HNRNPH3: variants seen among roughly 807,000 people sequenced by gnomAD.
HNRNPH3 encodes heterogeneous nuclear ribonucleoprotein 2H9.
Under a neutral mutation model 47.0 loss-of-function variants are expected in HNRNPH3, and 7 were observed. The ratio of observed to expected loss-of-function variants is 0.15; its 90% CI spans 0.08 to 0.28. HNRNPH3 has a LOEUF of 0.28. Ranked by LOEUF, HNRNPH3 falls within the 10% of genes least tolerant of loss-of-function variation. The pLI is 1.00. For missense variants in HNRNPH3, 279 were observed against 449.6 expected (o/e 0.62, Z 3.43); for synonymous variants, 120 against 143.2 (o/e 0.84, Z 1.16).
Position 68,342,001 on chromosome 10 carries a change from G to A in HNRNPH3, c.988G>A (p.Gly330Ser), listed in dbSNP as rs755404942. ...GYGRGGGGSG[G>S]YYGQGGMSGG... is the part of the protein sequence containing the mutation. ...AGGCCGTGGTGGTGGAGGCAGTGGA[G>A]GTTACTATGGGCAAGGCGGCATGAG... The change falls in exon 10 of 10, where the codon GGT (glycine) becomes AGT (serine). Residue 330 changes from glycine (G) to serine (S), a missense_variant. Coordinates refer to ENST00000265866, the MANE Select transcript of HNRNPH3 (RefSeq NM_012207.3). 1.9e-6 allele frequency: 3 copies of A among 1,614,088 alleles called. 1 individual carries two copies. The South Asian group carries it at 3.3e-5, about 18-fold the overall frequency.
Position 68,339,219 on chromosome 10 carries a change from T to C in HNRNPH3, c.516T>C (p.Asp172=), listed in dbSNP as rs748892373. 2.5e-6 allele frequency: 4 copies of C among 1,590,602 alleles called. No homozygotes were observed. The highest frequency in any genetic ancestry group is 1.3e-5 in the African/African-American group (1 of 74,390). The change falls in exon 5 of 10, where the codon GAT becomes GAC. Residue 172 remains aspartate (D), a synonymous_variant. Coordinates refer to ENST00000265866, the MANE Select transcript of HNRNPH3 (RefSeq NM_012207.3). ...GNDGFDDRMR[D]GRGMGGHGYG... is the part of the protein sequence containing the mutation. ...ATGGCTTTGATGACAGAATGAGAGA[T>C]GGAAGAGGTAAAATAAATATTAAAG...
chr10:68,337,753 T>G lies in HNRNPH3; in HGVS notation c.113-105T>G. On this transcript the variant is annotated intron_variant, in intron 2 of 9. Transcript: ENST00000265866. This position sits in a 1 kb window ranked among gnomAD's most constrained non-coding sequence, Gnocchi z 4.5. ...TGATGGGAAACTAAGCTTTTTTGTTTTGTTTTGTTTTGTTTAGACTTGTTT... is the reference window on the plus strand; with the variant it reads ...TGATGGGAAACTAAGCTTTTTTGTTGTGTTTTGTTTTGTTTAGACTTGTTT... 1 of 1,044,520 alleles carries G rather than the reference T, an allele frequency of 9.6e-7. No homozygotes were observed. The highest frequency in any genetic ancestry group is 1.4e-6 in the Non-Finnish European group (1 of 725,344). 64.7% of individuals were successfully genotyped at this position (1,044,520 alleles called of 1,614,324 possible).
At position 68,338,680 on chromosome 10, in the gene HNRNPH3, T is replaced by C; in HGVS notation, c.429T>C (p.Tyr143=). 2 of 1,590,368 alleles carry C rather than the reference T, an allele frequency of 1.3e-6. No homozygotes were observed. Among genetic ancestry groups the C allele is most frequent in the Non-Finnish European group, 1.7e-6 (2 of 1,167,568 alleles). Residue 143 remains tyrosine (Y), a synonymous_variant, in exon 4 of 10, where the codon TAT becomes TAC. Transcript: ENST00000265866. ...GAATGCGACGAGGAGGTGATGGATA[T>C]GATGGTGGTATGTGTATCTAATGAA... ...YDRMRRGGDG[Y]DGGYGGFDDY...
At chr10:68,339,618 A>G (rs1354479254) in intron 6 of HNRNPH3, 63 bp downstream of exon 6, 1 of 992,714 alleles carries the variant, frequency 1.0e-6, no homozygotes, top group South Asian at 1.4e-5. Flanking sequence ...ATCTTTAAGC[A>G]TTCTTAATGT....
intron 7 of HNRNPH3, 107 bp downstream of exon 7, chr10:68,341,416 C>A: frequency 8.2e-7 from 1 of 1,219,110 alleles, no homozygotes; most frequent in Non-Finnish European, 1.2e-6. Context: ...GATTTAAAAC[C>A]ATTTGACCTC....
At chr10:68,341,430 A>C in intron 7 of HNRNPH3, 121 bp downstream of exon 7, 1 of 1,135,242 alleles carries the variant, frequency 8.8e-7, no homozygotes, top group South Asian at 1.4e-5. Flanking sequence ...TGACCTCTAT[A>C]ATGGCTTTCT....
At chr10:68,336,213 C>G (rs144088741) in intron 1 of HNRNPH3, among the ~76,000 whole-genome samples, 122 of 152,264 alleles carry the variant, frequency 8.0e-4, no homozygotes, top group Admixed American at 6.7e-3. Context: ...TTGAAATACT[C>G]AGGTGAGTAG....
At chr10:68,332,920 T>A (rs137999074) in intron 1 of HNRNPH3, 1 of 152,186 alleles carries the variant, frequency 6.6e-6, no homozygotes, top group Non-Finnish European at 1.5e-5. Context: ...CGGCCTCCTT[T>A]GTAATTCTGC....
At chr10:68,338,374 C>T (rs16925341) in intron 3 of HNRNPH3, 129 bp from the exon 4 acceptor site, 7,225 of 521,834 alleles carry the variant, frequency 0.014, 380 homozygotes, top group African/African-American at 0.12. Context: ...TGTTAACTTA[C>T]GGTGTATTTA....
rs1283110267 is a variant in HNRNPH3, at chr10:68,341,961, A to T, written c.965-17A>T. ...AGATATCTCCTGCTGAGTGATTCTT[A>T]ATATCTTTTTCTTAAGGCCGTGGTG... On this transcript the variant is annotated splice_polypyrimidine_tract_variant and intron_variant, in intron 9 of 9. Transcript: ENST00000265866. The T allele has an allele frequency of 3.7e-6, 6 of 1,612,720 alleles. No homozygotes were observed. The highest frequency in any genetic ancestry group is 4.2e-6 in the Non-Finnish European group (5 of 1,178,870).
chr10:68,335,434 AAAAT>A (rs143396147), intron 1 of HNRNPH3, among the ~76,000 whole-genome samples: 56,483 of 151,030 alleles, frequency 0.37, 11,511 homozygotes, highest in Non-Finnish European at 0.48. Context: ...CTATTTAAAA[AAAAT>A]AAATAAAACG....
At chr10:68,336,492 CTG>C (rs1160646712) in intron 1 of HNRNPH3, among the ~76,000 whole-genome samples, 2 of 152,160 alleles carry the variant, frequency 1.3e-5, no homozygotes, top group African/African-American at 2.4e-5. Flanking sequence ...TTTCTAAACA[CTG>C]TCTCCAGTGG....
intron 4 of HNRNPH3, 82 bp downstream of exon 4, chr10:68,338,769 G>A (rs987067790): frequency 1.9e-5 from 21 of 1,125,132 alleles, no homozygotes; most frequent in Admixed American, 2.6e-5. Context: ...AGAAATGGCA[G>A]TAATTTCAGT....
Position 68,333,804 on chromosome 10 carries a change from C to T in HNRNPH3, c.-24+1588C>T, listed in dbSNP as rs10998074. ...ACTTTTCCAGCTCTAAAAACAAAAA[C>T]TTATTATTATTGAAGATGTTCAGTG... On this transcript the variant is annotated intron_variant, in intron 1 of 9. Coordinates refer to ENST00000265866, the MANE Select transcript of HNRNPH3 (RefSeq NM_012207.3). Among the ~76,000 whole-genome samples, 19 of 152,182 alleles carry T rather than the reference C, an allele frequency of 1.2e-4. No homozygotes were observed. In the East Asian group the frequency reaches 3.3e-3, roughly 26 times the overall value.
At position 68,341,680 on chromosome 10, in the gene HNRNPH3, G is replaced by A. The variant is rs1225094514; in HGVS notation, c.871G>A (p.Asp291Asn). The A allele has an allele frequency of 6.2e-7, 1 of 1,609,330 alleles. No individual in the cohort carries two copies. The highest frequency in any genetic ancestry group is 8.5e-7 in the Non-Finnish European group (1 of 1,176,682). ...GGGAGGCTACGGAAGAGATGGAATGGGTATGTAAAGTTTTTAAAATATGCA... is the reference window on the plus strand; with the variant it reads ...GGGAGGCTACGGAAGAGATGGAATGAGTATGTAAAGTTTTTAAAATATGCA... The part of the protein sequence containing the change: ...GMGGYGRDGM[D>N]NQGGYGSVGR... The change falls in exon 8 of 10, where the codon GAT (aspartate) becomes AAT (asparagine). Residue 291 changes from aspartate to asparagine, a missense_variant and splice_region_variant. By Grantham distance (23) the Asp-to-Asn change is conservative. Around this residue, in one of 2 missense-constraint regions of HNRNPH3, gnomAD observed 239 missense variants for 335.8 expected, o/e 0.71. Coordinates refer to ENST00000265866, the MANE Select transcript of HNRNPH3 (RefSeq NM_012207.3).
chr10:68,335,657 G>A (rs2045509321), intron 1 of HNRNPH3, among the ~76,000 whole-genome samples: 1 of 152,102 alleles, frequency 6.6e-6, no homozygotes, highest in Non-Finnish European at 1.5e-5. Context: ...GTATGGTATA[G>A]CTCACTGGCT....
In HNRNPH3 at chr10:68,342,823, T is replaced by TTAAG. The variant is rs1411925446; in HGVS notation, c.*772_*775dup. The TTAAG allele has an allele frequency of 1.3e-5, 2 of 152,602 alleles. No homozygotes were observed. The highest frequency in any genetic ancestry group is 2.4e-5 in the African/African-American group (1 of 41,466). The allele number at this position is 152,602 out of a possible 1,614,324, so 9.5% of individuals were successfully genotyped here. On this transcript the variant is annotated 3_prime_UTR_variant, in exon 10 of 10. Transcript: ENST00000265866. ...TTCTCAGTGACACAAGAATTCAGTA[T>TTAAG]TAAGTACATAGGTATTTACTATGGA...
chr10:68,340,150 T>A (rs1394464076), intron 6 of HNRNPH3, among the ~76,000 whole-genome samples: 1 of 152,156 alleles, frequency 6.6e-6, no homozygotes, highest in African/African-American at 2.4e-5. Flanking sequence ...TTCTTCTGCC[T>A]CAGCCTCCTG....
chr10:68,334,583 G>A (rs1391353284), intron 1 of HNRNPH3, among the ~76,000 whole-genome samples: 3 of 152,070 alleles, frequency 2.0e-5, no homozygotes, highest in Admixed American at 2.0e-4. Flanking sequence ...CCCATTGCTG[G>A]CATCCTCCCT....
Sources: gnomAD v4.1 joint callset for allele counts (sites outside exome capture counted in the v4.1 genomes callset) on GRCh38, gnomAD v4.1.1 for gene constraint, gnomAD v4.1.1 regional missense constraint, Gnocchi (gnomAD v3.1) non-coding constraint, MANE v1.5 for transcripts, NCBI Gene and HGNC (gene_info 2026-07-23, HGNC 2026-07-21) for gene names.